Variants in DCAF1 observed in about 807,000 individuals in gnomAD.
DCAF1 encodes the protein DDB1 and CUL4 associated factor 1, also known as DDB1- and CUL4-associated factor 1.
Under a neutral mutation model 128.0 loss-of-function variants are expected in DCAF1, and 15 were observed. That is an observed-to-expected ratio of 0.12 (90% CI 0.08 to 0.18). The LOEUF is 0.18. DCAF1 is among the 10% of genes least tolerant of loss of function. The pLI is 1.00. For missense variants in DCAF1, 988 were observed against 1,649.5 expected (o/e 0.60, Z 6.95); for synonymous variants, 610 against 603.0 (o/e 1.01, Z -0.17).
intron 6 of DCAF1, among the ~76,000 whole-genome samples, chr3:51,444,342 A>AT (rs1187326742): frequency 6.6e-6 from 1 of 151,020 alleles, no homozygotes; most frequent in Non-Finnish European, 1.5e-5. Flanking sequence ...TTAGCCCCAC[A>AT]TATCAGAACC....
intron 13 of DCAF1, among the ~76,000 whole-genome samples, chr3:51,424,686 T>C (rs1699748753): frequency 6.6e-6 from 1 of 152,128 alleles, no homozygotes. Flanking sequence ...GCATTTTAAA[T>C]AAATATCAAC....
chr3:51,402,775 T>C (rs1452732751), intron 24 of DCAF1, among the ~76,000 whole-genome samples: 1 of 152,098 alleles, frequency 6.6e-6, no homozygotes, highest in Non-Finnish European at 1.5e-5. Context: ...GATTTCATCA[T>C]GTTGCCCAGG....
intron 6 of DCAF1, among the ~76,000 whole-genome samples, chr3:51,448,180 T>G (rs1461870724): frequency 1.3e-5 from 2 of 152,236 alleles, no homozygotes; most frequent in Non-Finnish European, 2.9e-5. Flanking sequence ...TCTCTCTGAA[T>G]GCTGTCATCT....
chr3:51,483,339 C>T (rs1157691500), intron 3 of DCAF1, among the ~76,000 whole-genome samples: 3 of 151,460 alleles, frequency 2.0e-5, no homozygotes, highest in Non-Finnish European at 4.4e-5. Context: ...ACTTGGGAGG[C>T]TGAGGCAGGA....
chr3:51,462,348 G>C (rs1703689682), intron 6 of DCAF1, among the ~76,000 whole-genome samples: 3 of 152,184 alleles, frequency 2.0e-5, no homozygotes, highest in South Asian at 4.1e-4. Context: ...CTTGAACCCA[G>C]GAGGAAGTTG....
At chr3:51,483,665 T>C (rs887536458) in intron 3 of DCAF1, 54 bp downstream of exon 3, 19 of 1,094,808 alleles carry the variant, frequency 1.7e-5, no homozygotes, top group East Asian at 4.7e-5. Context: ...ATCTAGCGTA[T>C]GAGTTGTGTC....
rs147944063 is a variant in DCAF1, at chr3:51,407,129, C to T, written c.4213-3734G>A. Among the ~76,000 whole-genome samples the T allele has an allele frequency of 2.1e-4, 29 of 137,550 alleles. 2 individuals carry two copies. The East Asian group carries it at 6.2e-3, about 29-fold the overall frequency. The allele number at this position is 137,550 out of a possible 152,430, so 90.2% of individuals were successfully genotyped here. A position where few individuals can be genotyped will look rare whatever the true frequency, so the allele number is the denominator to read the frequency against. ...ATTGCTTGAACCTAGGAGGCGGAAG[C>T]CTGGGCGAGACAGAGTGAGACTCCA... On this transcript the variant is annotated intron_variant, in intron 23 of 24. Transcript: ENST00000684031.
chr3:51,466,464 T>C (rs1374676909), intron 5 of DCAF1, among the ~76,000 whole-genome samples: 1 of 152,196 alleles, frequency 6.6e-6, no homozygotes, highest in Non-Finnish European at 1.5e-5. Flanking sequence ...AGCAACTTTC[T>C]ATCCCTCTAC....
chr3:51,424,491 G>A (rs1553633557), intron 13 of DCAF1, among the ~76,000 whole-genome samples: 1 of 151,308 alleles, frequency 6.6e-6, no homozygotes, highest in African/African-American at 2.4e-5. Context: ...ATTTTTAGAA[G>A]CAATTTGGCA....
intron 6 of DCAF1, among the ~76,000 whole-genome samples, chr3:51,460,231 A>C (rs1703394084): frequency 6.6e-6 from 1 of 152,180 alleles, no homozygotes; most frequent in South Asian, 2.1e-4. Flanking sequence ...AAATCAATGT[A>C]CAAAAATCAC....
chr3:51,456,129 T>G (rs1162702009), intron 6 of DCAF1, among the ~76,000 whole-genome samples: 1 of 152,100 alleles, frequency 6.6e-6, no homozygotes, highest in Non-Finnish European at 1.5e-5. Flanking sequence ...CCAGGAAGCA[T>G]AAGGGGTCAG....
At chr3:51,412,609 G>C in intron 22 of DCAF1, 129 bp from the exon 23 acceptor site, 1 of 1,444,532 alleles carries the variant, frequency 6.9e-7, no homozygotes, top group Non-Finnish European at 9.2e-7. Flanking sequence ...CGAAATTCTT[G>C]AGCTGACTAT....
intron 2 of DCAF1, among the ~76,000 whole-genome samples, chr3:51,485,628 A>G (rs1267382439): frequency 1.3e-5 from 2 of 152,262 alleles, no homozygotes; most frequent in African/African-American, 4.8e-5. Flanking sequence ...AGAGTTTCAC[A>G]TCAGACAGGA....
rs1340101303 is a variant in DCAF1, at chr3:51,398,380, G to GT, written c.*388dup. On this transcript the variant is annotated 3_prime_UTR_variant, in exon 25 of 25. Transcript: ENST00000684031. ...TTCATACCCTCAGTTATAAATGCCTGTTTTTTTTTCCTTTTTAAAGTTTTA... is the reference window on the plus strand; with the variant it reads ...TTCATACCCTCAGTTATAAATGCCTGTTTTTTTTTTCCTTTTTAAAGTTTTA... 209 of 161,500 alleles carry GT rather than the reference G, an allele frequency of 1.3e-3. No individual in the cohort carries two copies. Among genetic ancestry groups the GT allele is most frequent in the Non-Finnish European group, 2.3e-3 (173 of 75,086 alleles). 10.0% of individuals were successfully genotyped at this position (161,500 alleles called of 1,614,324 possible).
chr3:51,406,363 A>C (rs1288518784), intron 23 of DCAF1, among the ~76,000 whole-genome samples: 1 of 151,244 alleles, frequency 6.6e-6, no homozygotes, highest in Non-Finnish European at 1.5e-5. Context: ...AAAAAAAAAA[A>C]AACCAAATTT....
At chr3:51,499,270 G>A (rs2108628958) in intron 1 of DCAF1, among the ~76,000 whole-genome samples, 1 of 152,350 alleles carries the variant, frequency 6.6e-6, no homozygotes, top group East Asian at 1.9e-4. Flanking sequence ...ACTCCAGGCT[G>A]CGGGACCCGC....
In DCAF1 at chr3:51,421,141, A is replaced by G. The variant is rs1368668531; in HGVS notation, c.1973-144T>C. The G allele has an allele frequency of 4.2e-6, 4 of 951,894 alleles. No individual in the cohort carries two copies. The African/African-American group carries it at 6.6e-5, about 16-fold the overall frequency. The allele number at this position is 951,894 out of a possible 1,614,324, so 59.0% of individuals were successfully genotyped here. A position where few individuals can be genotyped will look rare whatever the true frequency, so the allele number is the denominator to read the frequency against. ...TTGTAAAAACTGCAAGGGTTTGTAT[A>G]AAGTGCAGACAGTTCTACTACAATG... On this transcript the variant is annotated intron_variant, in intron 14 of 24. Coordinates refer to ENST00000684031, the MANE Select transcript of DCAF1 (RefSeq NM_001387579.1).
chr3:51,461,293 C>CA (rs1201939421), intron 6 of DCAF1, among the ~76,000 whole-genome samples: 4 of 151,670 alleles, frequency 2.6e-5, no homozygotes, highest in Non-Finnish European at 5.9e-5. Flanking sequence ...TTTATGCAGC[C>CA]AAAAAACACA....
In DCAF1 at chr3:51,459,676, A is replaced by G. The variant is rs1298211054; in HGVS notation, c.375+3438T>C. Among the ~76,000 whole-genome samples the G allele has an allele frequency of 5.3e-5, 8 of 152,134 alleles. No homozygotes were observed. The South Asian group carries it at 8.3e-4, about 16-fold the overall frequency. On this transcript the variant is annotated intron_variant, in intron 6 of 24. Coordinates refer to ENST00000684031, the MANE Select transcript of DCAF1 (RefSeq NM_001387579.1). Reference sequence around the variant, plus strand: ...ATCCTCAATAAAATACTGGCAAACCAAATCCAGCAGCACATCAAAAAGCTT... The same window carrying G: ...ATCCTCAATAAAATACTGGCAAACCGAATCCAGCAGCACATCAAAAAGCTT...
Sources: gnomAD v4.1 joint callset for allele counts (sites outside exome capture counted in the v4.1 genomes callset) on GRCh38, gnomAD v4.1.1 for gene constraint, MANE v1.5 for transcripts, NCBI Gene and HGNC (gene_info 2026-07-23, HGNC 2026-07-21) for gene names.